Variants in SNTG1 observed in about 807,000 individuals in gnomAD.
SNTG1 encodes the protein syntrophin gamma 1, also known as gamma-1-syntrophin.
In SNTG1, 39 loss-of-function variants were observed where a neutral mutation model predicts 74.7. The ratio of observed to expected loss-of-function variants is 0.52; its 90% CI spans 0.40 to 0.68. The LOEUF (loss-of-function observed/expected upper bound fraction) is 0.68. SNTG1 is among the 30% of genes least tolerant of loss of function. SNTG1 has a pLI of 0.00. For missense variants in SNTG1, 685 were observed against 609.5 expected (o/e 1.12, Z -1.30); for synonymous variants, 254 against 217.1 (o/e 1.17, Z -1.49).
chr8:50,411,525 G>A (rs1181960951), intron 4 of SNTG1, among the ~76,000 whole-genome samples: 1 of 151,894 alleles, frequency 6.6e-6, no homozygotes, highest in Non-Finnish European at 1.5e-5. Flanking sequence ...ACATTTTTCA[G>A]GAGTAGAAAA....
chr8:50,472,852 T>A (rs1480612666), intron 8 of SNTG1, among the ~76,000 whole-genome samples: 3 of 152,052 alleles, frequency 2.0e-5, no homozygotes, highest in Non-Finnish European at 4.4e-5. Context: ...CCTTACCCAA[T>A]TAAAAACTGT....
chr8:50,653,500 G>A (rs1212378059), intron 13 of SNTG1, among the ~76,000 whole-genome samples: 1 of 152,146 alleles, frequency 6.6e-6, no homozygotes, highest in Admixed American at 6.5e-5. Context: ...CTAATACCTT[G>A]TTTTGATTAC....
At chr8:50,346,233 GT>G (rs1329586377) in intron 2 of SNTG1, among the ~76,000 whole-genome samples, 3 of 152,178 alleles carry the variant, frequency 2.0e-5, no homozygotes, top group Non-Finnish European at 4.4e-5. Flanking sequence ...CCAACAGCAT[GT>G]GCTCATTTCC....
chr8:50,687,191 T>A (rs2095356389), intron 15 of SNTG1, among the ~76,000 whole-genome samples: 5 of 139,988 alleles, frequency 3.6e-5, no homozygotes, highest in African/African-American at 5.4e-5. Context: ...CATATGACTA[T>A]AGAAAACCAT....
chr8:50,288,240 T>A (rs1293902925), intron 2 of SNTG1, among the ~76,000 whole-genome samples: 1 of 152,158 alleles, frequency 6.6e-6, no homozygotes, highest in Non-Finnish European at 1.5e-5. Context: ...ATTGCACACA[T>A]CTACAACTCT....
intron 13 of SNTG1, among the ~76,000 whole-genome samples, chr8:50,608,639 G>GT (rs1029930356): frequency 6.6e-6 from 1 of 151,584 alleles, no homozygotes; most frequent in Admixed American, 6.6e-5. Flanking sequence ...GGTTATGTGT[G>GT]TTTTTTTAAA....
chr8:49,997,696 T>C (rs543754629), intron 1 of SNTG1, among the ~76,000 whole-genome samples: 3 of 152,326 alleles, frequency 2.0e-5, no homozygotes, highest in Admixed American at 6.5e-5. Flanking sequence ...ACTTGTGTCC[T>C]GGTTTTCCTA....
chr8:50,503,756 T>C (rs1050831588), intron 9 of SNTG1, among the ~76,000 whole-genome samples: 4 of 152,236 alleles, frequency 2.6e-5, no homozygotes, highest in African/African-American at 9.6e-5. Context: ...TGTATGAATG[T>C]ACTACATTTA....
chr8:50,355,699 T>G, intron 2 of SNTG1, among the ~76,000 whole-genome samples: 1 of 152,212 alleles, frequency 6.6e-6, no homozygotes, highest in East Asian at 1.9e-4. Context: ...TTTTAAAATT[T>G]ATGCAAGAAT....
At position 50,158,143 on chromosome 8, in the gene SNTG1, A is replaced by G. The variant is rs147858895; in HGVS notation, c.-102-14418A>G. Among the ~76,000 whole-genome samples the G allele has an allele frequency of 1.1e-4, 16 of 152,270 alleles. No homozygotes were observed. In the East Asian group the frequency reaches 2.9e-3, roughly 28 times the overall value. On this transcript the variant is annotated intron_variant, in intron 1 of 18. Transcript: ENST00000642720. ...TAGGCACTTTTGGTTCATTTCTTCT[A>G]CTAAGCAGTAAAGGGTTCTCTTCCC...
intron 13 of SNTG1, among the ~76,000 whole-genome samples, chr8:50,619,935 A>T (rs1415552570): frequency 2.7e-5 from 4 of 150,252 alleles, no homozygotes; most frequent in Admixed American, 6.6e-5. Flanking sequence ...AGCAAGCATG[A>T]TTCTATTAGT....
intron 15 of SNTG1, among the ~76,000 whole-genome samples, chr8:50,700,840 T>A (rs373795582): frequency 1.3e-4 from 20 of 152,320 alleles, no homozygotes; most frequent in African/African-American, 4.8e-4. Context: ...TGTGAGTCAG[T>A]TCATGAGAAG....
chr8:50,495,668 A>G (rs781498601), intron 8 of SNTG1, among the ~76,000 whole-genome samples: 6 of 151,922 alleles, frequency 3.9e-5, no homozygotes, highest in Admixed American at 2.0e-4. Context: ...AATATTACAG[A>G]CTCATTTCTT....
chr8:50,390,866 CTGTT>C (rs1284983668), intron 2 of SNTG1, among the ~76,000 whole-genome samples: 10 of 152,134 alleles, frequency 6.6e-5, no homozygotes, highest in African/African-American at 2.4e-4. Context: ...ATTTGGCTCT[CTGTT>C]TGTCTGTTAT....
At chr8:50,505,016 C>A (rs1482321262) in intron 9 of SNTG1, among the ~76,000 whole-genome samples, 1 of 152,118 alleles carries the variant, frequency 6.6e-6, no homozygotes, top group Non-Finnish European at 1.5e-5. Context: ...CACCCACTGG[C>A]AAACACCATT....
At chr8:50,651,046 A>G (rs2095142304) in intron 13 of SNTG1, among the ~76,000 whole-genome samples, 1 of 152,120 alleles carries the variant, frequency 6.6e-6, no homozygotes, top group African/African-American at 2.4e-5. Context: ...CATTTATAAG[A>G]TTTTTAAACA....
rs145797731 is a variant in SNTG1, at chr8:50,400,027, A to G, written c.28-2183A>G. ...AAGAGTGTATATGATAGAGGGCAAAAGAGTGTGCATCAGCACACGAGAACA... is the reference window on the plus strand; with the variant it reads ...AAGAGTGTATATGATAGAGGGCAAAGGAGTGTGCATCAGCACACGAGAACA... On this transcript the variant is annotated intron_variant, in intron 3 of 18. Transcript: ENST00000642720. Among the ~76,000 whole-genome samples, 1,380 of 152,378 alleles carry G rather than the reference A, an allele frequency of 9.1e-3. 26 individuals are homozygous for G. The highest frequency in any genetic ancestry group is 0.031 in the African/African-American group (1,308 of 41,592).
rs938824268 is a variant in SNTG1, at chr8:50,796,015, A to G, written c.*3186A>G. On this transcript the variant is annotated 3_prime_UTR_variant, in exon 19 of 19. Coordinates refer to ENST00000642720, the MANE Select transcript of SNTG1 (RefSeq NM_018967.5). Reference sequence around the variant, plus strand: ...TTACTTGAAAATAAATGTCAAGTCCATATTAGCCATGCAAAGAGAGAAATT... The same window carrying G: ...TTACTTGAAAATAAATGTCAAGTCCGTATTAGCCATGCAAAGAGAGAAATT... 1 of 152,114 alleles carries G rather than the reference A, an allele frequency of 6.6e-6. No homozygotes were observed. The highest frequency in any genetic ancestry group is 2.4e-5 in the African/African-American group (1 of 41,450). The allele number at this position is 152,114 out of a possible 1,614,324, so 9.4% of individuals were successfully genotyped here.
chr8:50,504,249 T>G (rs912261618), intron 9 of SNTG1, among the ~76,000 whole-genome samples: 1 of 152,192 alleles, frequency 6.6e-6, no homozygotes, highest in Admixed American at 6.6e-5. Flanking sequence ...CTAACACTAA[T>G]AGGCATTTAG....
Sources: gnomAD v4.1 joint callset for allele counts (sites outside exome capture counted in the v4.1 genomes callset) on GRCh38, gnomAD v4.1.1 for gene constraint, MANE v1.5 for transcripts, NCBI Gene and HGNC (gene_info 2026-07-23, HGNC 2026-07-21) for gene names.